The following AGAP1 variants were observed in gnomAD, a reference collection of about 807,000 sequenced individuals.
AGAP1 encodes ArfGAP with GTPase domain, ankyrin repeat and PH domain 1.
In AGAP1, 29 loss-of-function variants were observed where a neutral mutation model predicts 105.3. That is an observed-to-expected ratio of 0.28 (90% CI 0.21 to 0.38). AGAP1 has a LOEUF of 0.38. Ranked by LOEUF, AGAP1 falls within the 10% of genes least tolerant of loss-of-function variation. AGAP1 has a pLI of 1.00. For missense variants in AGAP1, 998 were observed against 1,165.1 expected (o/e 0.86, Z 2.09); for synonymous variants, 509 against 485.9 (o/e 1.05, Z -0.63).
At chr2:236,029,166 G>A (rs1370636295) in intron 13 of AGAP1, among the ~76,000 whole-genome samples, 2 of 149,546 alleles carry the variant, frequency 1.3e-5, no homozygotes, top group South Asian at 2.1e-4. Flanking sequence ...AGTCATAGTC[G>A]GTATTGTTTT....
intron 1 of AGAP1, among the ~76,000 whole-genome samples, chr2:235,515,016 G>T (rs1365371202): frequency 1.3e-5 from 2 of 152,162 alleles, no homozygotes; most frequent in East Asian, 3.9e-4. Context: ...TCTTTTCTTT[G>T]GGAGTTGCCA....
intron 1 of AGAP1, among the ~76,000 whole-genome samples, chr2:235,681,307 C>CCACAGCCTTTCTT (rs1949059231): frequency 6.6e-6 from 1 of 152,204 alleles, no homozygotes. Context: ...CCATGCCCGG[C>CCACAGCCTTTCTT]AATTTTAGCC....
chr2:235,996,385 A>G (rs772988681), intron 13 of AGAP1, among the ~76,000 whole-genome samples: 6 of 152,172 alleles, frequency 3.9e-5, no homozygotes, highest in Non-Finnish European at 8.8e-5. Context: ...AATTTTTTTA[A>G]CTTACGCTCT....
rs1431947297 is a variant in AGAP1 at position 235,633,505 on chromosome 2, AT to A, written c.164-75673del. Among the ~76,000 whole-genome samples, 2 of 152,092 alleles carry A rather than the reference AT, an allele frequency of 1.3e-5. No individual in the cohort carries two copies. The highest frequency in any genetic ancestry group is 1.5e-5 in the Non-Finnish European group (1 of 68,020). On this transcript the variant is annotated intron_variant, in intron 1 of 17. Coordinates refer to ENST00000304032, the MANE Select transcript of AGAP1 (RefSeq NM_001037131.3). The surrounding 1 kb of genome is among the most constrained non-coding windows in gnomAD (Gnocchi z 4.8). ...GCTACTCGGGGGCTAAAGCAGGAGA[AT>A]CCCTCGAACCCAGGAGGAGGAGGTT...
chr2:236,077,560 C>A (rs1404743297), intron 16 of AGAP1, among the ~76,000 whole-genome samples: 5 of 152,074 alleles, frequency 3.3e-5, no homozygotes, highest in Admixed American at 3.3e-4. Context: ...CTCAGGTGAT[C>A]CACCCACCTT....
intron 15 of AGAP1, among the ~76,000 whole-genome samples, chr2:236,047,823 A>T (rs1472242338): frequency 1.3e-5 from 2 of 151,708 alleles, no homozygotes; most frequent in African/African-American, 4.8e-5. Flanking sequence ...GCTGGTCTCG[A>T]ACTCCTGACC....
rs971425142 is a variant in AGAP1, at chr2:235,549,780, T to A, written c.163+54931T>A. On this transcript the variant is annotated intron_variant, in intron 1 of 17. Transcript: ENST00000304032. This position sits in a 1 kb window ranked among gnomAD's most constrained non-coding sequence, Gnocchi z 4.2. ...AACTGTTTACACCTCTCAGGATTCT[T>A]ACTCTAACAAACAGGTATAGACAAC... 6.6e-6 allele frequency among the ~76,000 whole-genome samples: 1 copy of A among 152,200 alleles called. No homozygotes were observed. The highest frequency in any genetic ancestry group is 2.4e-5 in the African/African-American group (1 of 41,452).
intron 4 of AGAP1, among the ~76,000 whole-genome samples, chr2:235,742,279 C>G (rs1952637104): frequency 6.6e-6 from 1 of 152,152 alleles, no homozygotes; most frequent in Admixed American, 6.6e-5. Flanking sequence ...ACAGAAGATG[C>G]CACAGATTTG....
At chr2:236,008,822 T>A (rs2056412102) in intron 13 of AGAP1, among the ~76,000 whole-genome samples, 1 of 152,220 alleles carries the variant, frequency 6.6e-6, no homozygotes, top group Non-Finnish European at 1.5e-5. Context: ...CCATTGTGAG[T>A]TGTTGGAAAC....
Position 235,566,869 on chromosome 2 carries a change from T to A in AGAP1, c.163+72020T>A, listed in dbSNP as rs996743883. ...AGTTCTGGAGGCCTGAAGCCCAGGA[T>A]CAAGGTGTGCCCAGAGCTGTGCTCC... is the stretch of plus-strand genomic sequence containing the variant. On this transcript the variant is annotated intron_variant, in intron 1 of 17. Transcript: ENST00000304032. The surrounding 1 kb of genome is among the most constrained non-coding windows in gnomAD (Gnocchi z 5.2). 6.6e-6 allele frequency among the ~76,000 whole-genome samples: 1 copy of A among 152,210 alleles called. No individual in the cohort carries two copies. Among genetic ancestry groups the A allele is most frequent in the African/African-American group, 2.4e-5 (1 of 41,458 alleles).
chr2:235,938,863 C>A (rs1275052783), intron 12 of AGAP1, among the ~76,000 whole-genome samples: 1 of 152,104 alleles, frequency 6.6e-6, no homozygotes, highest in East Asian at 1.9e-4. Flanking sequence ...AAGGCGTCGT[C>A]CAATGGCTGC....
chr2:236,044,225 C>G lies in AGAP1; in HGVS notation c.1891+3384C>G, dbSNP rs896349830. ...TCTGAAGCTACCTGTTCAGCATGGC[C>G]CAACCCAGCATGTCCCAGGCCCATC... On this transcript the variant is annotated intron_variant, in intron 15 of 17. Transcript: ENST00000304032. This position sits in a 1 kb window ranked among gnomAD's most constrained non-coding sequence, Gnocchi z 5.7. Among the ~76,000 whole-genome samples the G allele has an allele frequency of 6.6e-6, 1 of 152,170 alleles. No homozygotes were observed. Among genetic ancestry groups the G allele is most frequent in the African/African-American group, 2.4e-5 (1 of 41,434 alleles).
Position 235,719,613 on chromosome 2 carries a change from C to T in AGAP1, c.310+1969C>T, listed in dbSNP as rs754036425. On this transcript the variant is annotated intron_variant, in intron 3 of 17. Transcript: ENST00000304032. The surrounding 1 kb of genome is among the most constrained non-coding windows in gnomAD (Gnocchi z 4.9). ...AATACATTATTTTTAAGAGTAGGAG[C>T]GTGGGTGAGTACCTTCCTTTCTTCA... Among the ~76,000 whole-genome samples the T allele has an allele frequency of 3.9e-5, 6 of 152,158 alleles. No homozygotes were observed. The highest frequency in any genetic ancestry group is 7.2e-5 in the African/African-American group (3 of 41,422).
rs561126683 is a variant in AGAP1 at position 235,816,535 on chromosome 2, C to T, written c.1050+9204C>T. On this transcript the variant is annotated intron_variant, in intron 9 of 17. Coordinates refer to ENST00000304032, the MANE Select transcript of AGAP1 (RefSeq NM_001037131.3). ...CACCTTAAAGGTTAAAATCCCCACA[C>T]GTGACAAGTAGCTCTGACTACTTCC... is the stretch of plus-strand genomic sequence containing the variant. Among the ~76,000 whole-genome samples, 22 of 152,022 alleles carry T rather than the reference C, an allele frequency of 1.4e-4. 1 individual carries two copies. Among genetic ancestry groups the T allele is most frequent in the African/African-American group, 4.3e-4 (18 of 41,448 alleles).
chr2:235,690,874 C>G lies in AGAP1; in HGVS notation c.164-18305C>G, dbSNP rs904056453. ...GAAGTCAAAATCAATGTTTTATTTT[C>G]AGAGTTCTAAATCCAGCCATATAAA... On this transcript the variant is annotated intron_variant, in intron 1 of 17. Coordinates refer to ENST00000304032, the MANE Select transcript of AGAP1 (RefSeq NM_001037131.3). The surrounding 1 kb of genome is among the most constrained non-coding windows in gnomAD (Gnocchi z 4.1). Among the ~76,000 whole-genome samples, 1 of 152,124 alleles carries G rather than the reference C, an allele frequency of 6.6e-6. No homozygotes were observed. The highest frequency in any genetic ancestry group is 1.5e-5 in the Non-Finnish European group (1 of 68,030).
Position 235,701,385 on chromosome 2 carries a change from G to A in AGAP1, c.164-7794G>A, listed in dbSNP as rs1033053929. On this transcript the variant is annotated intron_variant, in intron 1 of 17. Transcript: ENST00000304032. The surrounding 1 kb of genome is among the most constrained non-coding windows in gnomAD (Gnocchi z 4.1). Reference sequence around the variant, plus strand: ...TGGAATTGCAGGCAGTGGCGTGGATGTACCTGCAGGGGTGGGCATGGTGGC... The same window carrying A: ...TGGAATTGCAGGCAGTGGCGTGGATATACCTGCAGGGGTGGGCATGGTGGC... 1.3e-5 allele frequency among the ~76,000 whole-genome samples: 2 copies of A among 152,026 alleles called. No individual in the cohort carries two copies. The highest frequency in any genetic ancestry group is 4.8e-5 in the African/African-American group (2 of 41,392).
intron 1 of AGAP1, among the ~76,000 whole-genome samples, chr2:235,588,891 G>C (rs143479280): frequency 6.6e-6 from 1 of 152,122 alleles, no homozygotes; most frequent in African/African-American, 2.4e-5. Flanking sequence ...GAAAGGTCCC[G>C]AGTGGCCTGC....
chr2:235,592,384 G>A (rs1207982719), intron 1 of AGAP1, among the ~76,000 whole-genome samples: 1 of 147,730 alleles, frequency 6.8e-6, no homozygotes, highest in Non-Finnish European at 1.5e-5. Flanking sequence ...GGTGAAGGAG[G>A]AGTAGATGAG....
chr2:235,688,689 AGACAAGG>A (rs1365223329), intron 1 of AGAP1, among the ~76,000 whole-genome samples: 1 of 152,206 alleles, frequency 6.6e-6, no homozygotes, highest in Admixed American at 6.5e-5. Context: ...CGTTAAGACT[AGACAAGG>A]GAGTCACCGC....
Sources: gnomAD v4.1 joint callset for allele counts (sites outside exome capture counted in the v4.1 genomes callset) on GRCh38, gnomAD v4.1.1 for gene constraint, Gnocchi (gnomAD v3.1) non-coding constraint, MANE v1.5 for transcripts, NCBI Gene and HGNC (gene_info 2026-07-23, HGNC 2026-07-21) for gene names.